NCKAP5: variants seen among roughly 807,000 people sequenced by gnomAD.
NCKAP5 encodes nck-associated protein 5.
Under a neutral mutation model 167.0 loss-of-function variants are expected in NCKAP5, and 92 were observed. The ratio of observed to expected loss-of-function variants is 0.55; its 90% confidence interval spans 0.47 to 0.66. The LOEUF is 0.66. NCKAP5 is among the 30% of genes least tolerant of loss of function. The probability of loss-of-function intolerance (pLI) is 0.00; values close to 1 mark genes in which losing one functional copy is unlikely to be tolerated. For synonymous variants in NCKAP5, 891 were observed against 877.4 expected, an observed-to-expected ratio of 1.02 and a Z score of -0.27; for missense variants, 2,378 against 2,315.0, an observed-to-expected ratio of 1.03 and a Z score of -0.56.
intron 5 of NCKAP5, among the ~76,000 whole-genome samples, chr2:133,173,330 A>G (rs2084326422): frequency 2.6e-5 from 4 of 152,216 alleles, no homozygotes; most frequent in Admixed American, 2.6e-4. Flanking sequence ...CATCATTCAT[A>G]TAGACAAAAA....
chr2:132,685,869 G>A (rs1362764378), intron 19 of NCKAP5, among the ~76,000 whole-genome samples: 1 of 152,162 alleles, frequency 6.6e-6, no homozygotes, highest in African/African-American at 2.4e-5. Context: ...TATGGCTCTT[G>A]TCCAATCTAT....
chr2:133,256,155 G>A (rs908877723), intron 4 of NCKAP5, among the ~76,000 whole-genome samples: 5 of 151,896 alleles, frequency 3.3e-5, no homozygotes, highest in African/African-American at 4.8e-5. Context: ...CTTAGTTTGG[G>A]GTTAATGGTA....
intron 8 of NCKAP5, chr2:132,931,148 G>A (rs1242802459): frequency 6.6e-6 from 1 of 152,194 alleles, no homozygotes; most frequent in Non-Finnish European, 1.5e-5. Context: ...AGTGCAGCCA[G>A]GAAACTTCTG....
At chr2:133,080,080 T>G (rs2149588343) in intron 6 of NCKAP5, among the ~76,000 whole-genome samples, 1 of 152,300 alleles carries the variant, frequency 6.6e-6, no homozygotes, top group South Asian at 2.1e-4. Flanking sequence ...CTCAGCATAC[T>G]TTCCAGAAGA....
chr2:133,021,649 A>T (rs1192819294), intron 6 of NCKAP5, among the ~76,000 whole-genome samples: 1 of 152,096 alleles, frequency 6.6e-6, no homozygotes, highest in East Asian at 1.9e-4. Flanking sequence ...TTGTTTTTTC[A>T]GAGACAGAGT....
chr2:133,333,503 T>G (rs1181082383), intron 3 of NCKAP5, among the ~76,000 whole-genome samples: 1 of 152,002 alleles, frequency 6.6e-6, no homozygotes, highest in Non-Finnish European at 1.5e-5. Context: ...AGTGTGGAAG[T>G]GAAGTCACAC....
chr2:132,948,574 T>C lies in NCKAP5; in HGVS notation c.579+15146A>G, dbSNP rs539279015. On this transcript the variant is annotated intron_variant, in intron 8 of 19. Coordinates refer to ENST00000409261, the MANE Select transcript of NCKAP5 (RefSeq NM_207363.3). ...GGGGCCCTAATTTGAGTCCAAAAGG[T>C]GGAATGGCAAATGGTAACAAGCTCT... Among the ~76,000 whole-genome samples, 50 of 151,896 alleles carry C rather than the reference T, an allele frequency of 3.3e-4. 3 individuals are homozygous for C. The South Asian group carries it at 7.9e-3, about 24-fold the overall frequency.
chr2:132,694,103 T>TTTTTA (rs1553473342), intron 19 of NCKAP5, among the ~76,000 whole-genome samples: 1 of 146,952 alleles, frequency 6.8e-6, no homozygotes, highest in Non-Finnish European at 1.5e-5. Flanking sequence ...GTTTTAAGTG[T>TTTTTA]TTTATTTATT....
At chr2:132,683,826 A>G (rs1177212112) in intron 19 of NCKAP5, among the ~76,000 whole-genome samples, 1 of 152,202 alleles carries the variant, frequency 6.6e-6, no homozygotes, top group Admixed American at 6.5e-5. Context: ...AGGTGACAAT[A>G]GAAACATCAT....
intron 5 of NCKAP5, among the ~76,000 whole-genome samples, chr2:133,134,114 A>G (rs1271655936): frequency 1.3e-5 from 2 of 152,230 alleles, no homozygotes; most frequent in Non-Finnish European, 2.9e-5. Flanking sequence ...GCATCGAAAC[A>G]CACAAAACAC....
At chr2:133,645,348 T>C in the NCKAP5 span, among the ~76,000 whole-genome samples, 1 of 152,192 alleles carries the variant, frequency 6.6e-6, no homozygotes, top group Non-Finnish European at 1.5e-5. Context: ...GGGATATACA[T>C]TTTTAAAAAG....
chr2:132,945,868 T>G (rs72614497), intron 8 of NCKAP5, among the ~76,000 whole-genome samples: 2,528 of 152,288 alleles, frequency 0.017, 89 homozygotes, highest in East Asian at 0.16. Context: ...GGATTCAAAC[T>G]CTTTACTCAT....
intron 8 of NCKAP5, among the ~76,000 whole-genome samples, chr2:132,929,620 A>C (rs1046962440): frequency 2.6e-5 from 4 of 152,186 alleles, no homozygotes; most frequent in African/African-American, 9.7e-5. Flanking sequence ...AGGTGAGAAC[A>C]GTTCTTTAGG....
intron 6 of NCKAP5, among the ~76,000 whole-genome samples, chr2:133,105,938 C>G (rs1434759941): frequency 6.6e-6 from 1 of 152,158 alleles, no homozygotes; most frequent in East Asian, 1.9e-4. Flanking sequence ...AGCCTACTCA[C>G]TGAAGCCAAA....
intron 5 of NCKAP5, among the ~76,000 whole-genome samples, chr2:133,170,891 C>T (rs750696605): frequency 6.6e-6 from 1 of 152,140 alleles, no homozygotes; most frequent in Non-Finnish European, 1.5e-5. Context: ...AATAACTCGT[C>T]TCCAGTCCTC....
chr2:133,448,925 C>T (rs1691379777), intron 3 of NCKAP5, among the ~76,000 whole-genome samples: 1 of 152,200 alleles, frequency 6.6e-6, no homozygotes, highest in South Asian at 2.1e-4. Context: ...CATCTTTCTC[C>T]TTTCTATAAA....
intron 3 of NCKAP5, among the ~76,000 whole-genome samples, chr2:133,383,149 T>C (rs1033493540): frequency 6.6e-6 from 1 of 152,126 alleles, no homozygotes; most frequent in Non-Finnish European, 1.5e-5. Context: ...ATATGCCATA[T>C]TGGTGTGCTG....
In NCKAP5 at chr2:132,784,665, C is replaced by T. The variant is rs548004146; in HGVS notation, c.2146G>A (p.Gly716Arg). The change falls in exon 14 of 20, where the codon GGA becomes AGA. Residue 716 changes from glycine (G) to arginine (R), a missense_variant. Coordinates refer to ENST00000409261, the MANE Select transcript of NCKAP5 (RefSeq NM_207363.3). ...GCTCTTGGCTGTAAACAAGCAATTC[C>T]CTGAGGTAAAAGCTCAGTATGTTCT... is the stretch of plus-strand genomic sequence containing the variant. ...KAEHTELLPQ[G>R]IACLQPRAAA... is the part of the protein sequence containing the mutation. 1.2e-5 allele frequency: 19 copies of T among 1,613,866 alleles called. No homozygotes were observed. In the East Asian group the frequency reaches 2.9e-4, roughly 25 times the overall value.
chr2:133,352,136 C>T (rs991623675), intron 3 of NCKAP5, among the ~76,000 whole-genome samples: 1 of 152,168 alleles, frequency 6.6e-6, no homozygotes, highest in African/African-American at 2.4e-5. Context: ...GAGACCCTGT[C>T]ACCATCACCC....
Sources: allele counts gnomAD v4.1 joint callset (sites outside exome capture counted in the v4.1 genomes callset), GRCh38; gene constraint gnomAD v4.1.1; transcripts MANE v1.5; gene names NCBI Gene and HGNC (gene_info 2026-07-23, HGNC 2026-07-21).